Variants in CARMIL1 observed in about 807,000 individuals in gnomAD.
CARMIL1 encodes the protein capping protein regulator and myosin 1 linker 1.
Under a neutral mutation model 177.1 loss-of-function variants are expected in CARMIL1, and 90 were observed. That is an observed-to-expected ratio of 0.51 (90% CI 0.43 to 0.61). CARMIL1 has a LOEUF of 0.61. Among genes scored for constraint, CARMIL1 ranks in the 20% least tolerant of loss-of-function variants. The probability of loss-of-function intolerance (pLI) is 0.00; values close to 1 mark genes in which losing one functional copy is unlikely to be tolerated. For missense variants in CARMIL1, 1,380 were observed against 1,667.0 expected (o/e 0.83, Z 3.00); for synonymous variants, 577 against 606.2 (o/e 0.95, Z 0.71).
intron 34 of CARMIL1, among the ~76,000 whole-genome samples, chr6:25,605,771 G>A (rs1815900723): frequency 6.6e-6 from 1 of 152,192 alleles, no homozygotes; most frequent in Non-Finnish European, 1.5e-5. Context: ...TTCCTTGTAT[G>A]TGATTACGGC....
intron 2 of CARMIL1, 23 bp from the exon 3 acceptor site, chr6:25,420,091 A>G: frequency 1.2e-6 from 2 of 1,604,960 alleles, no homozygotes; most frequent in Non-Finnish European, 1.7e-6. Flanking sequence ...GCTTATACTG[A>G]TGCTGCTGCT....
At chr6:25,310,194 A>G (rs547829990) in intron 2 of CARMIL1, among the ~76,000 whole-genome samples, 1 of 152,226 alleles carries the variant, frequency 6.6e-6, no homozygotes, top group East Asian at 1.9e-4. Flanking sequence ...CAAGTCTCTG[A>G]TCCCCTAGAT....
chr6:25,338,406 C>T (rs879290422), intron 2 of CARMIL1, among the ~76,000 whole-genome samples: 2 of 152,160 alleles, frequency 1.3e-5, no homozygotes, highest in Non-Finnish European at 2.9e-5. Flanking sequence ...AGAACTTTTG[C>T]CCCTTGGTAG....
In CARMIL1 at chr6:25,356,595, A is replaced by G. The variant is rs962350924; in HGVS notation, c.139-63519A>G. Among the ~76,000 whole-genome samples, 3 of 152,246 alleles carry G rather than the reference A, an allele frequency of 2.0e-5. No individual in the cohort carries two copies. The East Asian group carries it at 5.8e-4, about 29-fold the overall frequency. On this transcript the variant is annotated intron_variant, in intron 2 of 36. Transcript: ENST00000329474. ...TAGTACAAGGTCCCAGCACGGAAAG[A>G]TGTACAAGGTTATTTTTCCTGGCGC... is the stretch of plus-strand genomic sequence containing the variant.
intron 21 of CARMIL1, among the ~76,000 whole-genome samples, chr6:25,516,529 G>C (rs1276099812): frequency 1.3e-5 from 2 of 152,138 alleles, no homozygotes; most frequent in Non-Finnish European, 2.9e-5. Flanking sequence ...AAAAGTCTAA[G>C]CTGAAGCCAA....
chr6:25,355,166 A>G (rs928652895), intron 2 of CARMIL1, among the ~76,000 whole-genome samples: 2 of 152,200 alleles, frequency 1.3e-5, no homozygotes, highest in Admixed American at 6.5e-5. Context: ...ATAGGACTTT[A>G]GAGTCAACAT....
intron 2 of CARMIL1, among the ~76,000 whole-genome samples, chr6:25,392,053 CATGTGTGTGTGTGTGTGT>C (rs1319080415): frequency 0.072 from 7,778 of 107,628 alleles, 266 homozygotes; most frequent in Non-Finnish European, 0.11. Context: ...TGTGTATATG[CATGTGTGTGTGTGTGTGT>C]GTGTGTGTGT....
rs10642536 is a variant in CARMIL1 at position 25,281,136 on chromosome 6, G to GCGCGCGCA, written c.40+1302_40+1303insGCGCGCAC. 8.8e-3 allele frequency among the ~76,000 whole-genome samples: 1,161 copies of GCGCGCGCA among 132,126 alleles called. 13 individuals are homozygous for GCGCGCGCA. Among genetic ancestry groups the GCGCGCGCA allele is most frequent in the East Asian group, 0.038 (159 of 4,140 alleles). The allele number at this position is 132,126 out of a possible 152,430, so 86.7% of individuals were successfully genotyped here. A position where few individuals can be genotyped will look rare whatever the true frequency, so the allele number is the denominator to read the frequency against. The stretch of plus-strand genomic sequence containing the variant: ...CAGACGCACGCGCGTGTGCGCGCGC[G>GCGCGCGCA]CACACACACACACACACACACACAC... On this transcript the variant is annotated intron_variant, in intron 1 of 36. Transcript: ENST00000329474.
At chr6:25,352,236 C>A (rs1788180520) in intron 2 of CARMIL1, among the ~76,000 whole-genome samples, 1 of 151,554 alleles carries the variant, frequency 6.6e-6, no homozygotes. Flanking sequence ...AGGATGGGAG[C>A]AGTCACAAAA....
At position 25,515,917 on chromosome 6, in the gene CARMIL1, A is replaced by G; in HGVS notation, c.1805+70A>G. On this transcript the variant is annotated intron_variant, in intron 21 of 36. Coordinates refer to ENST00000329474, the MANE Select transcript of CARMIL1 (RefSeq NM_017640.6). The surrounding 1 kb of genome is among the most constrained non-coding windows in gnomAD (Gnocchi z 5.0). ...AGATTCCGAACAGCAAGCATTGCAG[A>G]GCTGCTGGGCCCGAGGGGACCTGGG... is the stretch of plus-strand genomic sequence containing the variant. 1 of 1,479,394 alleles carries G rather than the reference A, an allele frequency of 6.8e-7. No individual in the cohort carries two copies. Among genetic ancestry groups the G allele is most frequent in the Non-Finnish European group, 9.1e-7 (1 of 1,101,118 alleles). The allele number at this position is 1,479,394 out of a possible 1,614,324, so 91.6% of individuals were successfully genotyped here. A position where few individuals can be genotyped will look rare whatever the true frequency, so the allele number is the denominator to read the frequency against.
At position 25,600,665 on chromosome 6, in the gene CARMIL1, G is replaced by T. The variant is rs760978445; in HGVS notation, c.3471G>T (p.Arg1157Ser). 3 of 1,611,874 alleles carry T rather than the reference G, an allele frequency of 1.9e-6. No homozygotes were observed. In the East Asian group the frequency reaches 6.7e-5, roughly 36 times the overall value. ...AGAGCAGCCCACAGGCAGGGCGGAG[G>T]TATGGGGTCCAGGTGATGGGCAGTG... ...DSKSSPQAGR[R>S]YGVQVMGSGL... is the part of the protein sequence containing the mutation. Residue 1157 changes from arginine (R) to serine (S), a missense_variant, in exon 33 of 37, where the codon AGG becomes AGT. Coordinates refer to ENST00000329474, the MANE Select transcript of CARMIL1 (RefSeq NM_017640.6).
rs541691182 is a variant in CARMIL1, at chr6:25,310,134, G to A, written c.138+25225G>A. On this transcript the variant is annotated intron_variant, in intron 2 of 36. Transcript: ENST00000329474. ...TTGTTTCCACCTTCTCACTATGTGA[G>A]TAATGCTCTTATGAGCGTGCATACA... Among the ~76,000 whole-genome samples, 3 of 152,206 alleles carry A rather than the reference G, an allele frequency of 2.0e-5. No individual in the cohort carries two copies. In the South Asian group the frequency reaches 6.2e-4, roughly 32 times the overall value.
At chr6:25,289,816 C>T (rs1052106538) in intron 2 of CARMIL1, among the ~76,000 whole-genome samples, 3 of 152,176 alleles carry the variant, frequency 2.0e-5, no homozygotes, top group Admixed American at 2.0e-4. Flanking sequence ...TTGGTTTAGC[C>T]ATTGGCTAGT....
chr6:25,482,731 G>A (rs1233405252), intron 12 of CARMIL1, among the ~76,000 whole-genome samples: 1 of 152,066 alleles, frequency 6.6e-6, no homozygotes, highest in East Asian at 1.9e-4. Flanking sequence ...AAAACTGTTG[G>A]GCTTAACTTG....
intron 4 of CARMIL1, among the ~76,000 whole-genome samples, chr6:25,431,437 C>G (rs11754724): frequency 0.024 from 3,624 of 151,996 alleles, 52 homozygotes; most frequent in Middle Eastern, 0.054. Flanking sequence ...TTTCCAGAAA[C>G]TGGAGTTTGA....
At chr6:25,524,541 G>A (rs1286911866) in intron 23 of CARMIL1, among the ~76,000 whole-genome samples, 1 of 152,156 alleles carries the variant, frequency 6.6e-6, no homozygotes, top group Non-Finnish European at 1.5e-5. Flanking sequence ...GATTACCTCA[G>A]GTTGTATTAC....
chr6:25,497,542 T>C (rs1384087041), intron 16 of CARMIL1, among the ~76,000 whole-genome samples: 1 of 152,080 alleles, frequency 6.6e-6, no homozygotes, highest in Non-Finnish European at 1.5e-5. Context: ...ACTGGGAGGC[T>C]CTTCCAGTAA....
intron 5 of CARMIL1, among the ~76,000 whole-genome samples, chr6:25,441,320 C>CAAACATATAT (rs765704301): frequency 1.0e-5 from 1 of 99,628 alleles, no homozygotes; most frequent in African/African-American, 4.0e-5. Flanking sequence ...AACAAACAAA[C>CAAACATATAT]ATATATATAT....
At chr6:25,423,918 C>G (rs1281925403) in intron 3 of CARMIL1, among the ~76,000 whole-genome samples, 4 of 152,206 alleles carry the variant, frequency 2.6e-5, no homozygotes, top group Admixed American at 6.5e-5. Flanking sequence ...GCCCATAAAT[C>G]TAATCCAGTG....
Sources: allele counts gnomAD v4.1 joint callset (sites outside exome capture counted in the v4.1 genomes callset), GRCh38; gene constraint gnomAD v4.1.1; non-coding constraint Gnocchi (gnomAD v3.1); transcripts MANE v1.5; gene names NCBI Gene and HGNC (gene_info 2026-07-23, HGNC 2026-07-21).